CERS3: variants seen among roughly 807,000 people sequenced by gnomAD.
The protein encoded by CERS3 is LAG1 homolog, ceramide synthase 3.
Under a neutral mutation model 50.3 loss-of-function variants are expected in CERS3, and 33 were observed. The ratio of observed to expected loss-of-function variants is 0.66; its 90% confidence interval spans 0.50 to 0.88. CERS3 has a LOEUF of 0.88. CERS3 is among the 40% of genes least tolerant of loss of function. The probability of loss-of-function intolerance (pLI) is 0.00; values close to 1 mark genes in which losing one functional copy is unlikely to be tolerated. For missense variants in CERS3, 470 were observed against 460.3 expected (o/e 1.02, Z -0.19); for synonymous variants, 176 against 155.2 (o/e 1.13, Z -0.99).
chr15:100,412,742 A>C (rs2142062241), intron 11 of CERS3, among the ~76,000 whole-genome samples: 1 of 152,334 alleles, frequency 6.6e-6, no homozygotes, highest in South Asian at 2.1e-4. Flanking sequence ...AAAATAGAAT[A>C]TGTTCTATTT....
At chr15:100,487,587 T>C (rs906446792) in intron 4 of CERS3, among the ~76,000 whole-genome samples, 2 of 152,164 alleles carry the variant, frequency 1.3e-5, no homozygotes, top group South Asian at 4.1e-4. Flanking sequence ...GGTTGGAACA[T>C]GCAGGAAAGG....
chr15:100,441,403 T>C (rs935449686), intron 11 of CERS3, among the ~76,000 whole-genome samples: 1 of 151,812 alleles, frequency 6.6e-6, no homozygotes, highest in Non-Finnish European at 1.5e-5. Flanking sequence ...TGACCACTTA[T>C]CTCTGTGCCC....
chr15:100,448,084 A>T (rs944605394), intron 11 of CERS3, among the ~76,000 whole-genome samples: 1 of 152,220 alleles, frequency 6.6e-6, no homozygotes, highest in African/African-American at 2.4e-5. Flanking sequence ...CAATTTGGAT[A>T]TTCAATAAAA....
At chr15:100,443,755 C>T (rs2033809989) in intron 11 of CERS3, among the ~76,000 whole-genome samples, 2 of 152,038 alleles carry the variant, frequency 1.3e-5, no homozygotes, top group South Asian at 2.1e-4. Context: ...ACGTGCTCTC[C>T]CTGCCGATAG....
chr15:100,415,791 G>C (rs926262552), intron 11 of CERS3, among the ~76,000 whole-genome samples: 1 of 103,568 alleles, frequency 9.7e-6, no homozygotes, highest in African/African-American at 3.5e-5. Context: ...GGCCTGTCGG[G>C]GGGCAGGGAG....
At chr15:100,535,500 C>A (rs1406603827) in intron 1 of CERS3, among the ~76,000 whole-genome samples, 2 of 152,230 alleles carry the variant, frequency 1.3e-5, no homozygotes, top group African/African-American at 4.8e-5. Context: ...CACACAAGTG[C>A]AGAAAGAAGT....
intron 5 of CERS3, among the ~76,000 whole-genome samples, chr15:100,483,259 T>C (rs2654640): frequency 0.98 from 149,915 of 152,276 alleles, 73,839 homozygotes; most frequent in East Asian, 1. Context: ...TACACTCCCA[T>C]GTGCCACTGG....
chr15:100,454,528 T>C (rs1417710330), intron 11 of CERS3, among the ~76,000 whole-genome samples: 2 of 152,040 alleles, frequency 1.3e-5, no homozygotes, highest in African/African-American at 4.8e-5. Flanking sequence ...TAGATCTCTG[T>C]CTCTCATCAT....
intron 11 of CERS3, among the ~76,000 whole-genome samples, chr15:100,439,699 T>C (rs980092502): frequency 6.6e-6 from 1 of 152,166 alleles, no homozygotes; most frequent in Non-Finnish European, 1.5e-5. Flanking sequence ...TGCCTTCAAA[T>C]AGTGTTCTTT....
upstream of CERS3, among the ~76,000 whole-genome samples, chr15:100,532,710 A>G (rs1249996081): frequency 1.3e-5 from 2 of 152,158 alleles, no homozygotes; most frequent in Admixed American, 1.3e-4. Flanking sequence ...AGTGAGCTGT[A>G]ATCGGCCCAA....
intron 2 of CERS3, among the ~76,000 whole-genome samples, chr15:100,516,460 T>C (rs2036493020): frequency 6.6e-6 from 1 of 152,230 alleles, no homozygotes; most frequent in Admixed American, 6.5e-5. Context: ...CAAAGACCTG[T>C]CGTGGGACTA....
At chr15:100,457,982 T>C (rs376599367) in intron 10 of CERS3, among the ~76,000 whole-genome samples, 69 of 151,342 alleles carry the variant, frequency 4.6e-4, no homozygotes, top group African/African-American at 1.6e-3. Flanking sequence ...TGAAACTATA[T>C]ATTTCTAAAC....
At position 100,503,439 on chromosome 15, in the gene CERS3, T is replaced by G. The variant is rs1391856495; in HGVS notation, c.-1-1589A>C. 3.9e-5 allele frequency among the ~76,000 whole-genome samples: 6 copies of G among 152,216 alleles called. 1 individual carries two copies. The highest frequency in any genetic ancestry group is 6.3e-3 in the Middle Eastern group (2 of 316). ...CTGGTGGGACAAGCAGGCTAGGCCT[T>G]AGAGCGTTTGCTTGCATTCCATGCT... On this transcript the variant is annotated intron_variant, in intron 2 of 11. Coordinates refer to ENST00000679737, the MANE Select transcript of CERS3 (RefSeq NM_001378789.1).
chr15:100,417,170 C>A (rs1397561489), intron 11 of CERS3, among the ~76,000 whole-genome samples: 1 of 151,738 alleles, frequency 6.6e-6, no homozygotes, highest in Non-Finnish European at 1.5e-5. Flanking sequence ...ATCTGAGGTA[C>A]CAGGTTCATC....
chr15:100,408,468 T>A (rs939633179), intron 11 of CERS3: 5 of 152,186 alleles, frequency 3.3e-5, no homozygotes, highest in Non-Finnish European at 5.9e-5. Flanking sequence ...ACACATGAAA[T>A]GCATATTTTA....
intron 9 of CERS3, among the ~76,000 whole-genome samples, chr15:100,472,134 G>C (rs2034988204): frequency 6.6e-6 from 1 of 152,114 alleles, no homozygotes; most frequent in African/African-American, 2.4e-5. Context: ...CCCTTCAAAA[G>C]TAATCCCAAA....
At chr15:100,436,917 G>A (rs1026258014) in intron 11 of CERS3, among the ~76,000 whole-genome samples, 4 of 151,486 alleles carry the variant, frequency 2.6e-5, no homozygotes, top group African/African-American at 7.3e-5. Flanking sequence ...TGATCCTATA[G>A]GAAGTAGCAT....
At chr15:100,492,331 C>T (rs976311343) in intron 3 of CERS3, among the ~76,000 whole-genome samples, 8 of 152,142 alleles carry the variant, frequency 5.3e-5, no homozygotes, top group Non-Finnish European at 1.2e-4. Context: ...TGTTGACTTG[C>T]CTGATTGCCC....
chr15:100,491,373 G>C (rs1052534414), intron 3 of CERS3, among the ~76,000 whole-genome samples: 1 of 152,070 alleles, frequency 6.6e-6, no homozygotes, highest in Non-Finnish European at 1.5e-5. Context: ...CGTAATAATA[G>C]GATTGACGGG....
Sources: gnomAD v4.1 joint callset for allele counts (sites outside exome capture counted in the v4.1 genomes callset) on GRCh38, gnomAD v4.1.1 for gene constraint, MANE v1.5 for transcripts, NCBI Gene and HGNC (gene_info 2026-07-23, HGNC 2026-07-21) for gene names.